FAM200B: variants seen among roughly 807,000 people sequenced by gnomAD.
The protein encoded by FAM200B is zinc finger BED-type containing 11.
FAM200B carries 32 observed loss-of-function variants against 33.1 expected under a neutral mutation model. The ratio of observed to expected loss-of-function variants is 0.97; its 90% CI spans 0.73 to 1.30. FAM200B has a LOEUF of 1.30. Ranked by LOEUF, FAM200B falls within the 50% of genes most tolerant of loss-of-function variation. The pLI is 0.00. For synonymous variants in FAM200B, 240 were observed against 264.8 expected (o/e 0.91, Z 0.91); for missense variants, 741 against 754.0 (o/e 0.98, Z 0.20).
At chr4:15,661,940 A>G in the FAM200B span, among the ~76,000 whole-genome samples, 1 of 152,240 alleles carries the variant, frequency 6.6e-6, no homozygotes, top group Non-Finnish European at 1.5e-5. Flanking sequence ...TAAGGACCTC[A>G]GGTCCTCACC....
At chr4:15,656,466 C>T in the FAM200B span, 1 of 348,182 alleles carries the variant, frequency 2.9e-6, no homozygotes, top group Non-Finnish European at 5.7e-6. Context: ...CACCCTTGTT[C>T]TCTATTATCT....
At chr4:15,681,449 CTT>C (rs1718263026), upstream of FAM200B, 1 of 169,678 alleles carries the variant, frequency 5.9e-6, no homozygotes, top group African/African-American at 2.4e-5. Flanking sequence ...GCAGCAGTCT[CTT>C]TTCGCTCCCA....
At chr4:15,658,794 C>T in the FAM200B span, among the ~76,000 whole-genome samples, 14 of 152,178 alleles carry the variant, frequency 9.2e-5, no homozygotes, top group African/African-American at 3.4e-4. Flanking sequence ...TCTACTTTCT[C>T]GATAGCCACA....
the FAM200B span, among the ~76,000 whole-genome samples, chr4:15,673,922 T>C: frequency 8.5e-5 from 13 of 152,344 alleles, no homozygotes; most frequent in South Asian, 2.7e-3. Context: ...TTGTTTCCTA[T>C]TGATCAAGGT....
At chr4:15,674,654 GTT>G in the FAM200B span, among the ~76,000 whole-genome samples, 2 of 142,026 alleles carry the variant, frequency 1.4e-5, no homozygotes, top group Non-Finnish European at 3.1e-5. Context: ...GGATTTTTGG[GTT>G]TTTTTTTTTT....
chr4:15,659,737 T>C, the FAM200B span: 1 of 984,950 alleles, frequency 1.0e-6, no homozygotes, highest in African/African-American at 1.7e-5. Context: ...CTTGCGTCAT[T>C]TACCTCTTAG....
chr4:15,688,897 T>A lies in FAM200B; in HGVS notation c.1920T>A (p.Ser640=). The A allele has an allele frequency of 6.5e-7, 1 of 1,547,964 alleles. No individual in the cohort carries two copies. The highest frequency in any genetic ancestry group is 8.7e-7 in the Non-Finnish European group (1 of 1,144,838). The change falls in exon 2 of 2, where the codon TCT becomes TCA. Residue 640 remains serine (S), a synonymous_variant. Transcript: ENST00000422728. ...CAGCAGTTATGCGGGTAGCATTATC[T>A]TCCTGTGTTCCAGACTGGAATGAAC... ...NCAAVMRVAL[S]SCVPDWNELM...
the FAM200B span, among the ~76,000 whole-genome samples, chr4:15,655,687 G>A: frequency 5.3e-5 from 8 of 152,236 alleles, no homozygotes; most frequent in Admixed American, 2.0e-4. Context: ...GCCTTGAGGA[G>A]AGGCAGCCAA....
At position 15,688,439 on chromosome 4, in the gene FAM200B, T is replaced by A. The variant is rs774645686; in HGVS notation, c.1462T>A (p.Leu488Met). Reference protein sequence around the residue: ...RPSYYMFPRFLQHIEENIINE... With the variant: ...RPSYYMFPRFMQHIEENIINE... ...TAGCTATTACATGTTTCCAAGATTT[T>A]TGCAGCATATTGAAGAGAATATTAT... Residue 488 changes from leucine (L) to methionine (M), a missense_variant, in exon 2 of 2, where the codon TTG becomes ATG. Transcript: ENST00000422728. 1.6e-5 allele frequency: 24 copies of A among 1,544,266 alleles called. No individual in the cohort carries two copies. The highest frequency in any genetic ancestry group is 2.6e-6 in the Non-Finnish European group (3 of 1,141,980).
chr4:15,688,251 G>T lies in FAM200B; in HGVS notation c.1274G>T (p.Trp425Leu). The T allele has an allele frequency of 6.5e-7, 1 of 1,549,188 alleles. No homozygotes were observed. Among genetic ancestry groups the T allele is most frequent in the South Asian group, 1.2e-5 (1 of 83,842 alleles). ...GCAAGTATTTTTGAAGATGATACTT[G>T]GGTAACAAAATTGGCATATTTAACT... is the stretch of plus-strand genomic sequence containing the variant. ...HLASIFEDDT[W>L]VTKLAYLTDI... is the part of the protein sequence containing the mutation. The change falls in exon 2 of 2, where the codon TGG (tryptophan) becomes TTG (leucine). Residue 425 changes from tryptophan (W) to leucine (L), a missense_variant. By Grantham distance (61) the Trp-to-Leu change is moderately conservative. Transcript: ENST00000422728.
Position 15,689,365 on chromosome 4 carries a change from AG to A in FAM200B, c.*415del, listed in dbSNP as rs1719197072. Reference sequence around the variant, plus strand: ...CATTATTGGGCCTCTGGCTTTTGTCAGTGGACTAGAGAACAGTTGAAGGGTT... The same window carrying A: ...CATTATTGGGCCTCTGGCTTTTGTCATGGACTAGAGAACAGTTGAAGGGTT... On this transcript the variant is annotated 3_prime_UTR_variant, in exon 2 of 2. Coordinates refer to ENST00000422728, the MANE Select transcript of FAM200B (RefSeq NM_001145191.2). 5.9e-6 allele frequency: 1 copy of A among 168,912 alleles called. No homozygotes were observed. 10.5% of individuals were successfully genotyped at this position (168,912 alleles called of 1,614,324 possible). A position where few individuals can be genotyped will look rare whatever the true frequency, so the allele number is the denominator to read the frequency against.
upstream of FAM200B, among the ~76,000 whole-genome samples, chr4:15,680,084 A>G (rs1051844573): frequency 6.6e-6 from 1 of 152,148 alleles, no homozygotes; most frequent in Non-Finnish European, 1.5e-5. Context: ...GAATACTGAT[A>G]AGGAGGAATA....
At chr4:15,651,150 T>A in the FAM200B span, among the ~76,000 whole-genome samples, 16 of 152,208 alleles carry the variant, frequency 1.1e-4, no homozygotes, top group African/African-American at 3.4e-4. Flanking sequence ...CAAGGGAGAC[T>A]TATACTCAGT....
At chr4:15,667,901 C>T in the FAM200B span, among the ~76,000 whole-genome samples, 1 of 151,878 alleles carries the variant, frequency 6.6e-6, no homozygotes, top group African/African-American at 2.4e-5. Flanking sequence ...ATTAGCCAGG[C>T]GTGGTGGCGG....
chr4:15,684,659 C>A (rs1030484116), intron 1 of FAM200B: 1 of 152,154 alleles, frequency 6.6e-6, no homozygotes, highest in Non-Finnish European at 1.5e-5. Context: ...CTGTGTATTG[C>A]CCTTCAGCTT....
chr4:15,651,585 G>A, the FAM200B span, among the ~76,000 whole-genome samples: 3 of 152,162 alleles, frequency 2.0e-5, no homozygotes, highest in Admixed American at 6.5e-5. Context: ...GAAAAATGGC[G>A]GAGGGGGGAA....
chr4:15,656,449 C>G, the FAM200B span: 1 of 367,862 alleles, frequency 2.7e-6, no homozygotes, highest in South Asian at 2.0e-5. Context: ...ACCAGATATG[C>G]TGTGTTCACC....
At chr4:15,677,796 C>G (rs922888521), upstream of FAM200B, among the ~76,000 whole-genome samples, 1 of 152,144 alleles carries the variant, frequency 6.6e-6, no homozygotes, top group African/African-American at 2.4e-5. Context: ...GTCATTCTAG[C>G]AAATTATCAA....
the FAM200B span, among the ~76,000 whole-genome samples, chr4:15,676,323 C>G: frequency 6.6e-6 from 1 of 151,920 alleles, no homozygotes; most frequent in African/African-American, 2.4e-5. Context: ...CATTAGTTTA[C>G]AGAAAATAAA....
Sources: gnomAD v4.1 joint callset for allele counts (sites outside exome capture counted in the v4.1 genomes callset) on GRCh38, gnomAD v4.1.1 for gene constraint, MANE v1.5 for transcripts, NCBI Gene and HGNC (gene_info 2026-07-23, HGNC 2026-07-21) for gene names.